The following ABCC8 variants were observed in gnomAD, a reference collection of about 807,000 sequenced individuals.
ABCC8 encodes the protein ATP-binding cassette sub-family C member 8.
ABCC8 carries 137 observed loss-of-function variants against 188.0 expected under a neutral mutation model. The ratio of observed to expected loss-of-function variants is 0.73; its 90% CI spans 0.63 to 0.84. ABCC8 has a LOEUF of 0.84. Ranked by LOEUF, ABCC8 falls within the 40% of genes least tolerant of loss-of-function variation. The pLI is 0.00. For synonymous variants in ABCC8, 797 were observed against 846.5 expected (o/e 0.94, Z 1.01); for missense variants, 1,750 against 2,072.7 (o/e 0.84, Z 3.02).
At position 17,427,093 on chromosome 11, in the gene ABCC8, T is replaced by C. The variant is rs747902103; in HGVS notation, c.2178A>G (p.Ala726=). ...GCGKSSLLLA[A]LGEMQKVSGA... ...CTGAGACCTTCTGCATCTCCCCCAGTGCGGCTAGAAGGAGCGAGGACTTGC... is the reference window on the plus strand; with the variant it reads ...CTGAGACCTTCTGCATCTCCCCCAGCGCGGCTAGAAGGAGCGAGGACTTGC... Residue 726 remains alanine (A), a synonymous_variant, in exon 16 of 39, where the codon GCA becomes GCG. Transcript: ENST00000389817. The surrounding 1 kb of genome is among the most constrained non-coding windows in gnomAD (Gnocchi z 5.0). 42 of 1,613,736 alleles carry C rather than the reference T, an allele frequency of 2.6e-5. No individual in the cohort carries two copies. In the Admixed American group the frequency reaches 7.0e-4, roughly 27 times the overall value.
intron 8 of ABCC8, among the ~76,000 whole-genome samples, chr11:17,443,980 C>T (rs1436365398): frequency 6.6e-6 from 1 of 152,110 alleles, no homozygotes; most frequent in African/African-American, 2.4e-5. Flanking sequence ...AAATACAGGG[C>T]TTTTTCTCAA....
intron 10 of ABCC8, among the ~76,000 whole-genome samples, chr11:17,434,188 C>G (rs1026820130): frequency 6.6e-6 from 1 of 152,170 alleles, no homozygotes; most frequent in Admixed American, 6.5e-5. Flanking sequence ...TCCTCCTGGC[C>G]CATCCCCATA....
intron 10 of ABCC8, among the ~76,000 whole-genome samples, chr11:17,435,386 A>G (rs1448486665): frequency 1.3e-5 from 2 of 152,154 alleles, no homozygotes. Context: ...CACAAATCAA[A>G]GGCCAATATG....
intron 36 of ABCC8, 67 bp downstream of exon 36, chr11:17,395,105 C>T (rs1449764965): frequency 1.3e-6 from 2 of 1,541,842 alleles, no homozygotes; most frequent in Admixed American, 3.9e-5. Context: ...ACACGGGCTT[C>T]TGTCTGCCAT....
chr11:17,415,761 G>C (rs1190320279), intron 17 of ABCC8, among the ~76,000 whole-genome samples: 3 of 152,186 alleles, frequency 2.0e-5, no homozygotes. Context: ...TCTGGACAGA[G>C]CCAGGCCAGG....
At chr11:17,426,011 G>T (rs945416331) in intron 16 of ABCC8, among the ~76,000 whole-genome samples, 2 of 152,168 alleles carry the variant, frequency 1.3e-5, no homozygotes, top group Admixed American at 6.5e-5. Flanking sequence ...CAAAGGACAC[G>T]AACTCAACCT....
chr11:17,448,001 T>C (rs1483648374), intron 8 of ABCC8: 1 of 182,696 alleles, frequency 5.5e-6, no homozygotes, highest in Admixed American at 5.4e-5. Flanking sequence ...TATTTGTAAC[T>C]TACTCTTTTT....
chr11:17,412,608 G>A, intron 21 of ABCC8, 58 bp downstream of exon 21: 1 of 1,572,650 alleles, frequency 6.4e-7, no homozygotes, highest in South Asian at 1.2e-5. Context: ...AGGTGGAGGT[G>A]GGCAGTTAGG....
chr11:17,402,714 A>G lies in ABCC8; in HGVS notation c.3597T>C (p.Leu1199=). The part of the protein sequence containing the change: ...QQLDDTTQLP[L]LSHFAETVEG... ...CTACGGTTTCGGCAAAGTGTGAGAGAAGTGGAAGCTGGGTGGTGTCATCCA... is the reference window on the plus strand; with the variant it reads ...CTACGGTTTCGGCAAAGTGTGAGAGGAGTGGAAGCTGGGTGGTGTCATCCA... Residue 1199 remains leucine (L), a synonymous_variant, in exon 29 of 39, where the codon CTT becomes CTC. Transcript: ENST00000389817. The G allele has an allele frequency of 6.2e-7, 1 of 1,614,122 alleles. No homozygotes were observed. The highest frequency in any genetic ancestry group is 1.1e-5 in the South Asian group (1 of 91,070).
Position 17,450,605 on chromosome 11 carries a change from G to C in ABCC8, c.1177-1934C>G, listed in dbSNP as rs192001805. 6.1e-5 allele frequency among the ~76,000 whole-genome samples: 9 copies of C among 147,186 alleles called. No homozygotes were observed. The South Asian group carries it at 1.3e-3, about 21-fold the overall frequency. ...GTAGAGACGGGGTTTCACCATGTTA[G>C]CCAGGATGGTCTCGATCTCCTGACC... is the stretch of plus-strand genomic sequence containing the variant. On this transcript the variant is annotated intron_variant, in intron 7 of 38. Coordinates refer to ENST00000389817, the MANE Select transcript of ABCC8 (RefSeq NM_000352.6).
rs372766371 is a variant in ABCC8, at chr11:17,463,603, G to A, written c.414C>T (p.Ala138=). 47 of 1,572,894 alleles carry A rather than the reference G, an allele frequency of 3.0e-5. No homozygotes were observed. The highest frequency in any genetic ancestry group is 4.0e-5 in the Non-Finnish European group (46 of 1,158,584). Residue 138 remains alanine (A), a splice_region_variant and synonymous_variant, in exon 4 of 39, where the codon GCC becomes GCT. Coordinates refer to ENST00000389817, the MANE Select transcript of ABCC8 (RefSeq NM_000352.6). ...ETSNFPKLLI[A]LLVYWTLAFI... is the part of the protein sequence containing the mutation. The stretch of plus-strand genomic sequence containing the variant: ...AGGCCAGGGTCCAATACACCAGCAG[G>A]GCTGCCGAGGAGAGATGGAAGATCG...
chr11:17,403,432 G>GT (rs1954348500), intron 28 of ABCC8, among the ~76,000 whole-genome samples: 1 of 152,146 alleles, frequency 6.6e-6, no homozygotes, highest in African/African-American at 2.4e-5. Flanking sequence ...AATGAACTTT[G>GT]TAGAACAGCT....
chr11:17,470,224 T>C lies in ABCC8; in HGVS notation c.291-2A>G, dbSNP rs786204695. 5 of 1,614,022 alleles carry C rather than the reference T, an allele frequency of 3.1e-6. No homozygotes were observed. The highest frequency in any genetic ancestry group is 2.5e-6 in the Non-Finnish European group (3 of 1,179,970). On this transcript the variant is annotated splice_acceptor_variant, in intron 2 of 38. Coordinates refer to ENST00000389817, the MANE Select transcript of ABCC8 (RefSeq NM_000352.6). LOFTEE classifies it high-confidence loss of function. ...TGCAGATGGTGGGATTCGGTCACCC[T>C]GAGATGGGAGAGAGAAACAGACAGG...
chr11:17,441,646 T>C (rs11024289), intron 10 of ABCC8, among the ~76,000 whole-genome samples: 4,352 of 152,254 alleles, frequency 0.029, 106 homozygotes, highest in Middle Eastern at 0.037. Context: ...CACCATGGGA[T>C]GGGTCCACGG....
intron 35 of ABCC8, 119 bp from the exon 36 acceptor site, chr11:17,395,394 C>G (rs780750838): frequency 6.5e-7 from 1 of 1,531,630 alleles, no homozygotes. Flanking sequence ...GGGAGAAGCA[C>G]CGAGGTGGTG....
At position 17,430,861 on chromosome 11, in the gene ABCC8, CA is replaced by C; in HGVS notation, c.1769del (p.Leu590ArgfsTer15). 1 of 1,614,214 alleles carries C rather than the reference CA, an allele frequency of 6.2e-7. No homozygotes were observed. The highest frequency in any genetic ancestry group is 8.5e-7 in the Non-Finnish European group (1 of 1,180,042). ...LSLFHILVTP[L>X]FLLSSVVRST... ...ATCGGACCACACTGGACAGCAGGAACAGCGGTGTGACCAAGATATGGAAGAG... is the reference window on the plus strand; with the variant it reads ...ATCGGACCACACTGGACAGCAGGAACGCGGTGTGACCAAGATATGGAAGAG... On this transcript the variant is annotated frameshift_variant, in exon 12 of 39. Coordinates refer to ENST00000389817, the MANE Select transcript of ABCC8 (RefSeq NM_000352.6). LOFTEE classifies it high-confidence loss of function.
At chr11:17,422,450 G>T (rs1955388890) in intron 16 of ABCC8, among the ~76,000 whole-genome samples, 1 of 152,118 alleles carries the variant, frequency 6.6e-6, no homozygotes, top group Admixed American at 6.5e-5. Flanking sequence ...TTTGCTAAAT[G>T]AATTCATTTG....
chr11:17,432,279 G>A, intron 10 of ABCC8, 35 bp from the exon 11 acceptor site: 2 of 1,551,848 alleles, frequency 1.3e-6, no homozygotes, highest in Non-Finnish European at 1.7e-6. Flanking sequence ...TTTAGTGGGA[G>A]GAGCGTGACA....
intron 10 of ABCC8, chr11:17,435,662 C>A: frequency 7.1e-7 from 1 of 1,408,888 alleles, no homozygotes; most frequent in Non-Finnish European, 1.0e-6. Flanking sequence ...ATGCTGGGAA[C>A]CTCTGTTCTT....
Sources: gnomAD v4.1 joint callset for allele counts (sites outside exome capture counted in the v4.1 genomes callset) on GRCh38, gnomAD v4.1.1 for gene constraint, Gnocchi (gnomAD v3.1) non-coding constraint, MANE v1.5 for transcripts, NCBI Gene and HGNC (gene_info 2026-07-23, HGNC 2026-07-21) for gene names.